ZNF639: variants seen among roughly 807,000 people sequenced by gnomAD.
ZNF639 encodes the protein zinc finger protein 639.
In ZNF639, 20 loss-of-function variants were observed where a neutral mutation model predicts 39.8. The observed-to-expected ratio is 0.50, with a 90% confidence interval of 0.35 to 0.73. The LOEUF (loss-of-function observed/expected upper bound fraction) is 0.73, where lower values mean the gene tolerates loss of function less well. ZNF639 is among the 30% of genes least tolerant of loss of function. ZNF639 has a pLI of 0.00. For missense variants in ZNF639, 477 were observed against 566.2 expected (o/e 0.84, Z 1.60); for synonymous variants, 176 against 189.8 (o/e 0.93, Z 0.60).
Position 179,334,000 on chromosome 3 carries a change from G to A in ZNF639, c.1036G>A (p.Glu346Lys). 6.2e-7 allele frequency: 1 copy of A among 1,614,156 alleles called. No individual in the cohort carries two copies. The highest frequency in any genetic ancestry group is 8.5e-7 in the Non-Finnish European group (1 of 1,180,032). ...AAATGAGCATGCATGTAAATTAATA[G>A]AGTTAAGTGATAAGTATAACAATGG... ...VVNEHACKLIELSDKYNNGEH... is the reference protein window; with the variant it reads ...VVNEHACKLIKLSDKYNNGEH... The change falls in exon 6 of 6, where the codon GAG (glutamate) becomes AAG (lysine). Residue 346 changes from glutamate to lysine, a missense_variant. Coordinates refer to ENST00000496856, the MANE Select transcript of ZNF639 (RefSeq NM_001303426.2).
chr3:179,330,423 CAG>C (rs1165547152), intron 4 of ZNF639, among the ~76,000 whole-genome samples: 1 of 152,128 alleles, frequency 6.6e-6, no homozygotes, highest in Admixed American at 6.5e-5. Context: ...GCTGGGACTA[CAG>C]GCATGCACCA....
chr3:179,333,307 GACTCACCTGAATCAGTCA>G lies in ZNF639; in HGVS notation c.346_363del (p.Ser116_Asn121del). The G allele has an allele frequency of 6.2e-7, 1 of 1,612,400 alleles. No individual in the cohort carries two copies. Among genetic ancestry groups the G allele is most frequent in the Non-Finnish European group, 8.5e-7 (1 of 1,179,364 alleles). ...TATTGTAATTTGTGATGAAGAGTGT[GACTCACCTGAATCAGTCA>G]ACCAGCAAACCCAAGAGGAGAGTCC... is the stretch of plus-strand genomic sequence containing the variant. On this transcript the variant is annotated inframe_deletion, in exon 6 of 6. Coordinates refer to ENST00000496856, the MANE Select transcript of ZNF639 (RefSeq NM_001303426.2).
chr3:179,333,496 A>C lies in ZNF639; in HGVS notation c.532A>C (p.Ile178Leu), dbSNP rs1728039197. Residue 178 changes from isoleucine to leucine, a missense_variant, in exon 6 of 6, where the codon ATT becomes CTT. By Grantham distance (5) the Ile-to-Leu change is conservative. Coordinates refer to ENST00000496856, the MANE Select transcript of ZNF639 (RefSeq NM_001303426.2). ...AGAACCGCCAGCTAAACTTTGTAAA[A>C]TTCTTGACAAGAGCCAAGCTTTGAA... is the stretch of plus-strand genomic sequence containing the variant. ...DEEPPAKLCKILDKSQALNVT... is the reference protein window; with the variant it reads ...DEEPPAKLCKLLDKSQALNVT... 29 of 1,614,200 alleles carry C rather than the reference A, an allele frequency of 1.8e-5. No homozygotes were observed. Among genetic ancestry groups the C allele is most frequent in the Non-Finnish European group, 2.3e-5 (27 of 1,180,040 alleles).
In ZNF639 at chr3:179,334,204, A is replaced by G. The variant is rs780577272; in HGVS notation, c.1240A>G (p.Ser414Gly). ...VCDDCGKGFS[S>G]MLEYCKHLNS... ...TGATGACTGTGGGAAAGGCTTTTCAAGTATGCTAGAATATTGCAAGCATTT... is the reference window on the plus strand; with the variant it reads ...TGATGACTGTGGGAAAGGCTTTTCAGGTATGCTAGAATATTGCAAGCATTT... The change falls in exon 6 of 6, where the codon AGT becomes GGT. Residue 414 changes from serine (S) to glycine (G), a missense_variant. Physicochemically the swap from Ser to Gly is moderately conservative, Grantham distance 56. Transcript: ENST00000496856. 6.2e-7 allele frequency: 1 copy of G among 1,613,960 alleles called. No homozygotes were observed. The highest frequency in any genetic ancestry group is 8.5e-7 in the Non-Finnish European group (1 of 1,179,890).
intron 1 of ZNF639, chr3:179,325,281 A>T (rs2108491977): frequency 6.6e-6 from 1 of 152,504 alleles, no homozygotes; most frequent in African/African-American, 2.4e-5. Flanking sequence ...TCGGCCTCCC[A>T]AAGTGCTGGG....
chr3:179,329,488 A>G (rs1727782647), intron 3 of ZNF639, 130 bp from the exon 4 acceptor site: 1 of 572,996 alleles, frequency 1.7e-6, no homozygotes, highest in African/African-American at 2.0e-5. Context: ...TAAAAGTTGA[A>G]AATGTATAAT....
intron 4 of ZNF639, among the ~76,000 whole-genome samples, chr3:179,330,334 G>GTCTC (rs1452713523): frequency 6.6e-5 from 10 of 152,198 alleles, no homozygotes; most frequent in African/African-American, 2.4e-4. Flanking sequence ...ATGCAGCCAT[G>GTCTC]TCTCACTCCA....
chr3:179,323,164 G>A lies in ZNF639; in HGVS notation c.-210G>A. On this transcript the variant is annotated 5_prime_UTR_variant, in exon 1 of 6. Transcript: ENST00000496856. ...TCGGCCCAGCACAGCGTCCGGGAGC[G>A]CTAGGGCCGGAGCAGCGCTGCCCGC... The A allele has an allele frequency of 1.0e-6, 1 of 984,602 alleles. No individual in the cohort carries two copies. The highest frequency in any genetic ancestry group is 1.2e-6 in the Non-Finnish European group (1 of 829,704). 61.0% of individuals were successfully genotyped at this position (984,602 alleles called of 1,614,324 possible). A position where few individuals can be genotyped will look rare whatever the true frequency, so the allele number is the denominator to read the frequency against.
At chr3:179,325,895 A>G (rs1366908126) in intron 1 of ZNF639, among the ~76,000 whole-genome samples, 1 of 141,284 alleles carries the variant, frequency 7.1e-6, no homozygotes, top group Non-Finnish European at 1.5e-5. Flanking sequence ...AAAAGTAAAA[A>G]TAAAATAAAC....
chr3:179,332,122 AG>A (rs1261382110), intron 4 of ZNF639, among the ~76,000 whole-genome samples: 7 of 152,212 alleles, frequency 4.6e-5, no homozygotes, highest in Non-Finnish European at 7.3e-5. Flanking sequence ...AAGGGACATT[AG>A]GTTAAAAACT....
intron 1 of ZNF639, among the ~76,000 whole-genome samples, chr3:179,325,479 A>C (rs996044304): frequency 6.6e-6 from 1 of 152,252 alleles, no homozygotes; most frequent in Non-Finnish European, 1.5e-5. Context: ...TAGTTGACTT[A>C]ACTTTCACTA....
At chr3:179,333,190 A>G in intron 5 of ZNF639, 67 bp downstream of exon 5, 1 of 1,559,398 alleles carries the variant, frequency 6.4e-7, no homozygotes, top group Non-Finnish European at 8.6e-7. Context: ...AGTGCATGCA[A>G]TAAATTTTTT....
At chr3:179,328,052 AT>A in intron 2 of ZNF639, 1 of 335,844 alleles carries the variant, frequency 3.0e-6, no homozygotes, top group Non-Finnish European at 5.5e-6. Context: ...TTGAAAAAGA[AT>A]TTTTTAACCT....
In ZNF639 at chr3:179,337,734, ATGAT is replaced by A. The variant is rs1047426137; in HGVS notation, c.*3316_*3319del. ...TCGCCTTGGCCCAGTTTTCAAATCA[ATGAT>A]TGACCATAAATTGCTTGAAGTAGTT... On this transcript the variant is annotated 3_prime_UTR_variant, in exon 6 of 6. Coordinates refer to ENST00000496856, the MANE Select transcript of ZNF639 (RefSeq NM_001303426.2). The A allele has an allele frequency of 1.3e-5, 2 of 152,084 alleles. No individual in the cohort carries two copies. The highest frequency in any genetic ancestry group is 4.8e-5 in the African/African-American group (2 of 41,402). The allele number at this position is 152,084 out of a possible 1,614,324, so 9.4% of individuals were successfully genotyped here. A position where few individuals can be genotyped will look rare whatever the true frequency, so the allele number is the denominator to read the frequency against.
intron 1 of ZNF639, among the ~76,000 whole-genome samples, chr3:179,324,317 G>A (rs1348746282): frequency 6.6e-6 from 1 of 151,960 alleles, no homozygotes; most frequent in Non-Finnish European, 1.5e-5. Context: ...AATGACAGGT[G>A]GAAAGATGTT....
rs780112107 is a variant in ZNF639, at chr3:179,334,171, C to A, written c.1207C>A (p.His403Asn). The A allele has an allele frequency of 6.2e-7, 1 of 1,614,034 alleles. No individual in the cohort carries two copies. Among genetic ancestry groups the A allele is most frequent in the Non-Finnish European group, 8.5e-7 (1 of 1,179,992 alleles). Residue 403 changes from histidine (H) to asparagine (N), a missense_variant, in exon 6 of 6, where the codon CAT becomes AAT. Transcript: ENST00000496856. ...TATTGAACATACAAAAATTTTTCCT[C>A]ATGTTTGTGATGACTGTGGGAAAGG... ...VAIEHTKIFP[H>N]VCDDCGKGFS...
In ZNF639 at chr3:179,337,127, G is replaced by A. The variant is rs1292533996; in HGVS notation, c.*2705G>A. 6.6e-6 allele frequency: 1 copy of A among 151,840 alleles called. No homozygotes were observed. Among genetic ancestry groups the A allele is most frequent in the Non-Finnish European group, 1.5e-5 (1 of 68,038 alleles). The allele number at this position is 151,840 out of a possible 1,614,324, so 9.4% of individuals were successfully genotyped here. ...CAAAAAAAAATTAGCTGGGCGTGGT[G>A]GTGGGCACCTGTAGTCCCAGCTACT... On this transcript the variant is annotated 3_prime_UTR_variant, in exon 6 of 6. Transcript: ENST00000496856.
rs1242549262 is a variant in ZNF639, at chr3:179,336,711, A to G, written c.*2289A>G. 3 of 152,334 alleles carry G rather than the reference A, an allele frequency of 2.0e-5. No individual in the cohort carries two copies. The highest frequency in any genetic ancestry group is 4.4e-5 in the Non-Finnish European group (3 of 68,030). 9.4% of individuals were successfully genotyped at this position (152,334 alleles called of 1,614,324 possible). A position where few individuals can be genotyped will look rare whatever the true frequency, so the allele number is the denominator to read the frequency against. ...GTTATGTCTCATGGGAGTGGGATCC[A>G]GGTTATCTGGTTTACTGTCTAGTGA... On this transcript the variant is annotated 3_prime_UTR_variant, in exon 6 of 6. Transcript: ENST00000496856.
intron 3 of ZNF639, 77 bp from the exon 4 acceptor site, chr3:179,329,541 A>T: frequency 1.3e-6 from 1 of 796,380 alleles, no homozygotes; most frequent in East Asian, 2.6e-5. Flanking sequence ...GAACATTTGT[A>T]TAAGTTAGAT....
Sources: gnomAD v4.1 joint callset for allele counts (sites outside exome capture counted in the v4.1 genomes callset) on GRCh38, gnomAD v4.1.1 for gene constraint, MANE v1.5 for transcripts, NCBI Gene and HGNC (gene_info 2026-07-23, HGNC 2026-07-21) for gene names.